Variants in SPNS3 observed in about 807,000 individuals in gnomAD.
SPNS3 encodes the protein SPNS lysolipid transporter 3, sphingosine-1-phosphate (putative), also known as protein spinster homolog 3.
In SPNS3, 51 loss-of-function variants were observed where a neutral mutation model predicts 54.4. The ratio of observed to expected loss-of-function variants is 0.94; its 90% confidence interval spans 0.75 to 1.18. SPNS3 has a LOEUF of 1.18. Ranked by LOEUF, SPNS3 falls within the 50% of genes most tolerant of loss-of-function variation. The pLI is 0.00. For missense variants in SPNS3, 669 were observed against 677.4 expected, an observed-to-expected ratio of 0.99 and a Z score of 0.14; for synonymous variants, 309 against 294.7, an observed-to-expected ratio of 1.05 and a Z score of -0.50.
chr17:4,435,864 G>A (rs1026301345), intron 1 of SPNS3, among the ~76,000 whole-genome samples: 6 of 152,186 alleles, frequency 3.9e-5, no homozygotes, highest in African/African-American at 9.7e-5. Flanking sequence ...CCCGGGAGGC[G>A]GAGGTTGCGG....
chr17:4,439,729 G>C lies in SPNS3; in HGVS notation c.265+6G>C. 1 of 1,610,732 alleles carries C rather than the reference G, an allele frequency of 6.2e-7. No homozygotes were observed. Among genetic ancestry groups the C allele is most frequent in the Non-Finnish European group, 8.5e-7 (1 of 1,178,592 alleles). The stretch of plus-strand genomic sequence containing the variant: ...TGCTGGTTTGCTTCAGACTGGTAAG[G>C]AGGAGCCCTGGCTCTGGAGCCGGGG... On this transcript the variant is annotated splice_donor_region_variant and intron_variant, in intron 2 of 11. Transcript: ENST00000355530.
chr17:4,458,624 T>TCTTTCTTTCTTTC (rs1971404544), intron 8 of SPNS3, among the ~76,000 whole-genome samples: 1 of 144,240 alleles, frequency 6.9e-6, no homozygotes, highest in African/African-American at 2.6e-5. Flanking sequence ...TTTCTTTCTT[T>TCTTTCTTTCTTTC]CTTTCTTTCT....
intron 9 of SPNS3, among the ~76,000 whole-genome samples, chr17:4,482,966 T>C (rs1171214268): frequency 1.3e-5 from 2 of 152,204 alleles, no homozygotes; most frequent in Non-Finnish European, 2.9e-5. Context: ...CCCTGTCCTC[T>C]GGGGTCCTGG....
intron 1 of SPNS3, among the ~76,000 whole-genome samples, chr17:4,436,864 C>G (rs541621052): frequency 2.0e-5 from 3 of 152,284 alleles, no homozygotes; most frequent in Admixed American, 2.0e-4. Context: ...CAAGGGCACG[C>G]AAAGGCGAGA....
intron 1 of SPNS3, among the ~76,000 whole-genome samples, chr17:4,436,438 T>A (rs1437780579): frequency 1.3e-5 from 2 of 151,856 alleles, no homozygotes; most frequent in Non-Finnish European, 1.5e-5. Context: ...ACAAAAAATT[T>A]AAAAAATTAG....
chr17:4,443,849 C>T (rs183178165), intron 2 of SPNS3, among the ~76,000 whole-genome samples: 50 of 152,252 alleles, frequency 3.3e-4, no homozygotes, highest in Non-Finnish European at 8.8e-5. Flanking sequence ...GCCTGTAACC[C>T]CAGCACTTTA....
chr17:4,464,437 C>A (rs570657728), intron 8 of SPNS3, among the ~76,000 whole-genome samples: 8 of 152,258 alleles, frequency 5.3e-5, no homozygotes, highest in East Asian at 1.9e-4. Flanking sequence ...GGCTATCCCC[C>A]CTTAGGTGGG....
At chr17:4,479,248 CCTT>C (rs796793528) in intron 9 of SPNS3, among the ~76,000 whole-genome samples, 5 of 152,352 alleles carry the variant, frequency 3.3e-5, no homozygotes, top group African/African-American at 1.2e-4. Context: ...GCCCCTCCCT[CCTT>C]CTTTCTGTAG....
At chr17:4,453,914 C>T (rs1044473879) in intron 8 of SPNS3, among the ~76,000 whole-genome samples, 1 of 152,234 alleles carries the variant, frequency 6.6e-6, no homozygotes, top group Non-Finnish European at 1.5e-5. Flanking sequence ...TCCAAATCCA[C>T]ATCCCATCAC....
intron 2 of SPNS3, among the ~76,000 whole-genome samples, chr17:4,441,983 AGTGT>A (rs373836833): frequency 8.6e-5 from 12 of 139,104 alleles, no homozygotes; most frequent in South Asian, 7.2e-4. Flanking sequence ...CGGAGGGAGA[AGTGT>A]GTGTGTGTGT....
At chr17:4,439,628 GT>G (rs1567552528) in intron 1 of SPNS3, 29 bp from the exon 2 acceptor site, 1 of 1,605,918 alleles carries the variant, frequency 6.2e-7, no homozygotes. Context: ...GCTACTTCCC[GT>G]TTCCTGAGCA....
In SPNS3 at chr17:4,434,012, A is replaced by T. The variant is rs770737355; in HGVS notation, c.45A>T (p.Gly15=). The part of the protein sequence containing the change: ...MSAECPEPGP[G]GLQGQSPGPG... ...CGGAGTGCCCTGAGCCTGGGCCAGG[A>T]GGTCTGCAGGGCCAGTCCCCAGGGC... The change falls in exon 1 of 12, where the codon GGA becomes GGT. Residue 15 remains glycine, a synonymous_variant. Coordinates refer to ENST00000355530, the MANE Select transcript of SPNS3 (RefSeq NM_182538.5). The T allele has an allele frequency of 3.8e-6, 6 of 1,595,754 alleles. No individual in the cohort carries two copies. Among genetic ancestry groups the T allele is most frequent in the South Asian group, 2.2e-5 (2 of 89,220 alleles).
intron 8 of SPNS3, among the ~76,000 whole-genome samples, chr17:4,474,704 TTGTGTA>T (rs1456382234): frequency 6.6e-6 from 1 of 152,016 alleles, no homozygotes; most frequent in East Asian, 1.9e-4. Flanking sequence ...ACAAGCATGT[TTGTGTA>T]TGTGTGTGTG....
chr17:4,439,074 A>AGT (rs919961782), intron 1 of SPNS3, among the ~76,000 whole-genome samples: 23 of 148,566 alleles, frequency 1.5e-4, no homozygotes, highest in South Asian at 1.1e-3. Flanking sequence ...CTTATGTGTC[A>AGT]GTGTGTGTGT....
At chr17:4,448,354 C>G in intron 6 of SPNS3, 51 bp downstream of exon 6, 1 of 1,437,750 alleles carries the variant, frequency 7.0e-7, no homozygotes, top group East Asian at 2.7e-5. Flanking sequence ...CGTTTGTCTG[C>G]CCCAGCATCA....
intron 8 of SPNS3, among the ~76,000 whole-genome samples, chr17:4,457,564 G>T (rs953016614): frequency 1.3e-5 from 2 of 152,234 alleles, no homozygotes; most frequent in Non-Finnish European, 2.9e-5. Context: ...GGGAGCTGAT[G>T]GGGGCTGGTG....
intron 1 of SPNS3, among the ~76,000 whole-genome samples, chr17:4,435,225 C>T (rs1295102528): frequency 6.6e-6 from 1 of 151,928 alleles, no homozygotes; most frequent in Non-Finnish European, 1.5e-5. Context: ...GACTTTGTGA[C>T]CAGCCTGGGC....
chr17:4,445,366 G>A (rs1184596410), intron 3 of SPNS3, among the ~76,000 whole-genome samples, 198 bp downstream of exon 3: 1 of 143,546 alleles, frequency 7.0e-6, no homozygotes, highest in Non-Finnish European at 1.5e-5. Context: ...ACAGGGCAGA[G>A]CTGGTGGACT....
intron 7 of SPNS3, among the ~76,000 whole-genome samples, chr17:4,451,954 C>T (rs1013781861): frequency 6.6e-6 from 1 of 151,816 alleles, no homozygotes; most frequent in African/African-American, 2.4e-5. Context: ...GCTGGGATTA[C>T]AAGCTTAAGC....
Sources: allele counts gnomAD v4.1 joint callset (sites outside exome capture counted in the v4.1 genomes callset), GRCh38; gene constraint gnomAD v4.1.1; transcripts MANE v1.5; gene names NCBI Gene and HGNC (gene_info 2026-07-23, HGNC 2026-07-21).